Variants in NECAB1 observed in about 807,000 individuals in gnomAD.
NECAB1 encodes N-terminal EF-hand calcium binding protein 1.
In NECAB1, 29 loss-of-function variants were observed where a neutral mutation model predicts 57.5. That is an observed-to-expected ratio of 0.50 (90% CI 0.38 to 0.69). The LOEUF (loss-of-function observed/expected upper bound fraction) is 0.69, where lower values mean the gene tolerates loss of function less well. NECAB1 is among the 30% of genes least tolerant of loss of function. The pLI, the probability that NECAB1 is intolerant of heterozygous loss-of-function variation, is 0.00. For missense variants in NECAB1, 372 were observed against 413.8 expected, an observed-to-expected ratio of 0.90 and a Z score of 0.88; for synonymous variants, 142 against 147.7, an observed-to-expected ratio of 0.96 and a Z score of 0.28.
At chr8:90,916,261 T>C in intron 5 of NECAB1, among the ~76,000 whole-genome samples, 1 of 152,206 alleles carries the variant, frequency 6.6e-6, no homozygotes, top group Non-Finnish European at 1.5e-5. Context: ...ATTCTTCTAT[T>C]AGAAAAACTT....
At chr8:90,795,417 AG>A (rs1453099823) in intron 1 of NECAB1, among the ~76,000 whole-genome samples, 1 of 152,042 alleles carries the variant, frequency 6.6e-6, no homozygotes, top group Non-Finnish European at 1.5e-5. Context: ...GAAAGTTGTG[AG>A]GGGGATGAAT....
intron 3 of NECAB1, among the ~76,000 whole-genome samples, chr8:90,848,488 T>C (rs1391001339): frequency 6.6e-6 from 1 of 152,132 alleles, no homozygotes; most frequent in Non-Finnish European, 1.5e-5. Flanking sequence ...GGGTACCAAT[T>C]TATTGTGTTA....
chr8:90,912,177 CATTTTTCTAAA>C (rs1809846598), intron 5 of NECAB1, among the ~76,000 whole-genome samples: 1 of 152,112 alleles, frequency 6.6e-6, no homozygotes, highest in African/African-American at 2.4e-5. Context: ...TACCCATGTG[CATTTTTCTAAA>C]ATTCCTAATG....
chr8:90,921,774 G>A (rs1224504710), intron 6 of NECAB1, among the ~76,000 whole-genome samples: 2 of 152,098 alleles, frequency 1.3e-5, no homozygotes, highest in African/African-American at 2.4e-5. Flanking sequence ...CATTACTTTG[G>A]GATTTAATAT....
chr8:90,824,983 G>T (rs1812199447), intron 3 of NECAB1, 158 bp downstream of exon 3: 1 of 384,170 alleles, frequency 2.6e-6, no homozygotes, highest in East Asian at 3.8e-5. Flanking sequence ...AATTAAAATT[G>T]CTCTGAAAAA....
In NECAB1 at chr8:90,925,604, G is replaced by A; in HGVS notation, c.564G>A (p.Gln188=). 1 of 1,613,774 alleles carries A rather than the reference G, an allele frequency of 6.2e-7. No individual in the cohort carries two copies. The highest frequency in any genetic ancestry group is 8.5e-7 in the Non-Finnish European group (1 of 1,179,826). Reference sequence around the variant, plus strand: ...GAAAACGATCAAGCCGCCGAGTCCAGAGACACAACAGCTTCTCCCCAAACA... The same window carrying A: ...GAAAACGATCAAGCCGCCGAGTCCAAAGACACAACAGCTTCTCCCCAAACA... ...WPGKRSSRRV[Q]RHNSFSPNSP... is the part of the protein sequence containing the mutation. The change falls in exon 7 of 13, where the codon CAG becomes CAA. Residue 188 remains glutamine (Q), a synonymous_variant. Transcript: ENST00000417640.
At chr8:90,841,976 G>A (rs1812463558) in intron 3 of NECAB1, among the ~76,000 whole-genome samples, 1 of 152,186 alleles carries the variant, frequency 6.6e-6, no homozygotes. Context: ...ATAAGTGGGA[G>A]CAACATGATG....
intron 5 of NECAB1, among the ~76,000 whole-genome samples, chr8:90,901,254 G>A (rs1022529082): frequency 6.7e-6 from 1 of 149,156 alleles, no homozygotes; most frequent in South Asian, 2.1e-4. Flanking sequence ...AAAAAAAATG[G>A]TGTTTATAAA....
chr8:90,826,278 T>C (rs181579999), intron 3 of NECAB1, among the ~76,000 whole-genome samples: 66 of 151,966 alleles, frequency 4.3e-4, no homozygotes, highest in African/African-American at 1.5e-3. Flanking sequence ...CCAGACAAGA[T>C]GGAATTTGCA....
At position 90,956,943 on chromosome 8, in the gene NECAB1, CGT is replaced by C. The variant is rs66645266; in HGVS notation, c.*1472_*1473del. ...AATTTTGATATATTGTACATACACACGTGTGTGTGTGTGTGTGTGTGTGTGTG... is the reference window on the plus strand; with the variant it reads ...AATTTTGATATATTGTACATACACACGTGTGTGTGTGTGTGTGTGTGTGTG... On this transcript the variant is annotated 3_prime_UTR_variant, in exon 13 of 13. Transcript: ENST00000417640. 32,860 of 143,100 alleles carry C rather than the reference CGT, an allele frequency of 0.23. 3,901 individuals are homozygous for C. The highest frequency in any genetic ancestry group is 0.42 in the East Asian group (2,030 of 4,814). The allele number at this position is 143,100 out of a possible 1,614,324, so 8.9% of individuals were successfully genotyped here.
chr8:90,833,408 C>CA (rs1554564628), intron 3 of NECAB1, among the ~76,000 whole-genome samples: 1 of 150,298 alleles, frequency 6.7e-6, no homozygotes, highest in African/African-American at 2.4e-5. Context: ...AGCTTAAATT[C>CA]TTTTTTTTTA....
At chr8:90,917,394 C>T in intron 5 of NECAB1, 98 bp from the exon 6 acceptor site, 1 of 1,061,998 alleles carries the variant, frequency 9.4e-7, no homozygotes, top group Non-Finnish European at 1.3e-6. Context: ...TCTCTAGGAT[C>T]AATCTGGGAT....
intron 2 of NECAB1, among the ~76,000 whole-genome samples, chr8:90,820,194 C>A (rs1315607912): frequency 7.9e-5 from 12 of 151,904 alleles, no homozygotes; most frequent in African/African-American, 2.9e-4. Context: ...TTTACCCTGA[C>A]TTCAGTTGTC....
intron 5 of NECAB1, among the ~76,000 whole-genome samples, chr8:90,892,342 T>C (rs1809202573): frequency 6.6e-6 from 1 of 152,176 alleles, no homozygotes; most frequent in East Asian, 1.9e-4. Flanking sequence ...TTAATAGCTA[T>C]AATAGCTATC....
chr8:90,936,673 G>A (rs1810546484), intron 9 of NECAB1, among the ~76,000 whole-genome samples: 1 of 152,154 alleles, frequency 6.6e-6, no homozygotes, highest in Admixed American at 6.5e-5. Context: ...TAAGAGCAGA[G>A]CAGATTGTCT....
At chr8:90,882,573 T>A (rs1288238326) in intron 5 of NECAB1, among the ~76,000 whole-genome samples, 1 of 152,144 alleles carries the variant, frequency 6.6e-6, no homozygotes, top group African/African-American at 2.4e-5. Context: ...GCTTTGTGTG[T>A]CTAGCTTCTT....
chr8:90,795,641 C>T (rs545418271), intron 1 of NECAB1, among the ~76,000 whole-genome samples: 1 of 152,018 alleles, frequency 6.6e-6, no homozygotes, highest in African/African-American at 2.4e-5. Flanking sequence ...AATGAGTCTT[C>T]CAGATGCAAT....
chr8:90,792,053 T>A, intron 1 of NECAB1, 68 bp downstream of exon 1: 1 of 1,326,784 alleles, frequency 7.5e-7, no homozygotes, highest in Non-Finnish European at 1.1e-6. Flanking sequence ...AAGGAAGGGG[T>A]TCGGCTCAGG....
intron 5 of NECAB1, among the ~76,000 whole-genome samples, chr8:90,906,278 G>T (rs1809645026): frequency 6.6e-6 from 1 of 152,134 alleles, no homozygotes; most frequent in Non-Finnish European, 1.5e-5. Flanking sequence ...CTGCTGAGTG[G>T]ACTGAATCTT....
Sources: gnomAD v4.1 joint callset for allele counts (sites outside exome capture counted in the v4.1 genomes callset) on GRCh38, gnomAD v4.1.1 for gene constraint, MANE v1.5 for transcripts, NCBI Gene and HGNC (gene_info 2026-07-23, HGNC 2026-07-21) for gene names.